Variants in PTPN12 observed in about 807,000 individuals in gnomAD.
The protein encoded by PTPN12 is protein tyrosine phosphatase non-receptor type 12.
PTPN12 carries 29 observed loss-of-function variants against 97.6 expected under a neutral mutation model. That is an observed-to-expected ratio of 0.30 (90% CI 0.22 to 0.41). The LOEUF is 0.41. Ranked by LOEUF, PTPN12 falls within the 10% of genes least tolerant of loss-of-function variation. PTPN12 has a pLI of 1.00. For synonymous variants in PTPN12, 327 were observed against 300.4 expected (o/e 1.09, Z -0.91); for missense variants, 819 against 926.0 (o/e 0.88, Z 1.50).
At chr7:77,580,120 G>C (rs1426710924) in intron 2 of PTPN12, among the ~76,000 whole-genome samples, 2 of 152,154 alleles carry the variant, frequency 1.3e-5, no homozygotes, top group African/African-American at 4.8e-5. Flanking sequence ...GCTAAATAAA[G>C]AATGAAACAT....
chr7:77,628,043 A>G (rs1157842350), intron 13 of PTPN12, among the ~76,000 whole-genome samples: 1 of 152,222 alleles, frequency 6.6e-6, no homozygotes, highest in East Asian at 1.9e-4. Flanking sequence ...ATACTGTAGA[A>G]TGTCTTGATT....
intron 9 of PTPN12, among the ~76,000 whole-genome samples, chr7:77,609,906 C>CAAA (rs1788512927): frequency 1.4e-5 from 2 of 137,970 alleles, no homozygotes; most frequent in South Asian, 2.5e-4. Context: ...AAAAAAAAAC[C>CAAA]CAAAAATCTT....
Position 77,636,680 on chromosome 7 carries a change from A to G in PTPN12, c.2143-338A>G, listed in dbSNP as rs190010359. 5.3e-4 allele frequency: 98 copies of G among 183,290 alleles called. No homozygotes were observed. The East Asian group carries it at 0.011, about 20-fold the overall frequency. The allele number at this position is 183,290 out of a possible 1,614,324, so 11.4% of individuals were successfully genotyped here. The stretch of plus-strand genomic sequence containing the variant: ...TTTAATATCTCTGAAATTTAGCTAC[A>G]TCTTATATTTGATTTTAAGACATGA... On this transcript the variant is annotated intron_variant, in intron 15 of 17. Coordinates refer to ENST00000248594, the MANE Select transcript of PTPN12 (RefSeq NM_002835.4).
intron 6 of PTPN12, among the ~76,000 whole-genome samples, chr7:77,596,782 A>G (rs1788035243): frequency 6.6e-6 from 1 of 152,148 alleles, no homozygotes; most frequent in East Asian, 1.9e-4. Context: ...GAGATTTCTT[A>G]TATACACCCT....
At chr7:77,624,987 T>C (rs1456521273) in intron 12 of PTPN12, among the ~76,000 whole-genome samples, 1 of 151,708 alleles carries the variant, frequency 6.6e-6, no homozygotes, top group Admixed American at 6.6e-5. Flanking sequence ...ATACAAAAAT[T>C]AGCCAGGTGT....
chr7:77,554,013 C>T (rs1807591812), intron 1 of PTPN12, among the ~76,000 whole-genome samples: 1 of 151,930 alleles, frequency 6.6e-6, no homozygotes. Flanking sequence ...GTTGCTTAGG[C>T]TGGAATGCAG....
intron 8 of PTPN12, among the ~76,000 whole-genome samples, chr7:77,601,679 A>T (rs968039280): frequency 1.3e-5 from 2 of 152,172 alleles, no homozygotes; most frequent in Non-Finnish European, 2.9e-5. Context: ...ATACATACCA[A>T]TCTCAGAGCT....
chr7:77,629,575 A>C (rs1013726957), intron 13 of PTPN12, among the ~76,000 whole-genome samples: 13 of 151,860 alleles, frequency 8.6e-5, no homozygotes, highest in Non-Finnish European at 1.3e-4. Flanking sequence ...AAAAAAAACC[A>C]AAAAACCATT....
chr7:77,566,770 G>T (rs1363186498), intron 1 of PTPN12, among the ~76,000 whole-genome samples: 1 of 152,092 alleles, frequency 6.6e-6, no homozygotes, highest in Non-Finnish European at 1.5e-5. Flanking sequence ...TTTCTTAAAG[G>T]ATTTGTTTGT....
At chr7:77,579,031 AC>A (rs1481682123) in intron 2 of PTPN12, among the ~76,000 whole-genome samples, 1 of 152,216 alleles carries the variant, frequency 6.6e-6, no homozygotes, top group African/African-American at 2.4e-5. Context: ...CTGTGGTATT[AC>A]CAAAAATTCA....
At chr7:77,549,009 T>C (rs1278073345) in intron 1 of PTPN12, among the ~76,000 whole-genome samples, 1 of 152,216 alleles carries the variant, frequency 6.6e-6, no homozygotes, top group Non-Finnish European at 1.5e-5. Context: ...ACATCCCTTA[T>C]GGTAATCTAA....
chr7:77,606,336 C>A (rs1788372845), intron 8 of PTPN12, among the ~76,000 whole-genome samples: 1 of 152,030 alleles, frequency 6.6e-6, no homozygotes, highest in South Asian at 2.1e-4. Context: ...CATTAGACTT[C>A]CAGAGTGACA....
chr7:77,567,574 TC>T (rs1313158497), intron 1 of PTPN12, among the ~76,000 whole-genome samples: 3 of 152,158 alleles, frequency 2.0e-5, no homozygotes, highest in Non-Finnish European at 2.9e-5. Flanking sequence ...AGACAAATTA[TC>T]AGGCAATTAC....
chr7:77,550,564 C>T (rs1336469221), intron 1 of PTPN12, among the ~76,000 whole-genome samples: 4 of 151,880 alleles, frequency 2.6e-5, no homozygotes, highest in South Asian at 2.1e-4. Context: ...TAATGAATGC[C>T]CTTTAAAGAT....
chr7:77,558,103 C>G (rs144587229), intron 1 of PTPN12, among the ~76,000 whole-genome samples: 1 of 149,070 alleles, frequency 6.7e-6, no homozygotes, highest in African/African-American at 2.5e-5. Flanking sequence ...CCCAGCTATT[C>G]GGGAGGCTGA....
intron 11 of PTPN12, among the ~76,000 whole-genome samples, 153 bp downstream of exon 11, chr7:77,611,199 C>T (rs1030702017): frequency 2.6e-5 from 4 of 151,986 alleles, no homozygotes; most frequent in East Asian, 1.9e-4. Flanking sequence ...CCTTCTTATT[C>T]GTATCTGTAT....
At chr7:77,541,304 C>G (rs962705750) in intron 1 of PTPN12, among the ~76,000 whole-genome samples, 2 of 152,150 alleles carry the variant, frequency 1.3e-5, no homozygotes, top group Non-Finnish European at 2.9e-5. Context: ...GTTGCCCAGG[C>G]TGGTCTCAAA....
At chr7:77,636,801 C>T (rs945228885) in intron 15 of PTPN12, 1 of 402,862 alleles carries the variant, frequency 2.5e-6, no homozygotes, top group Non-Finnish European at 4.5e-6. Flanking sequence ...GTAGCCCATG[C>T]TTTTCAGTGC....
intron 1 of PTPN12, among the ~76,000 whole-genome samples, chr7:77,543,909 C>T (rs1807103386): frequency 6.6e-6 from 1 of 152,124 alleles, no homozygotes; most frequent in Non-Finnish European, 1.5e-5. Flanking sequence ...TTTATCCATT[C>T]ATCGTGTTGA....
Sources: allele counts gnomAD v4.1 joint callset (sites outside exome capture counted in the v4.1 genomes callset), GRCh38; gene constraint gnomAD v4.1.1; transcripts MANE v1.5; gene names NCBI Gene and HGNC (gene_info 2026-07-23, HGNC 2026-07-21).